KIAA1549: variants seen among roughly 807,000 people sequenced by gnomAD.
KIAA1549 encodes the protein KIAA1549, also known as UPF0606 protein KIAA1549.
KIAA1549 carries 70 observed loss-of-function variants against 156.4 expected under a neutral mutation model. The ratio of observed to expected loss-of-function variants is 0.45; its 90% CI spans 0.37 to 0.55. The LOEUF (loss-of-function observed/expected upper bound fraction) is 0.55, where lower values mean the gene tolerates loss of function less well. KIAA1549 is among the 20% of genes least tolerant of loss of function. The probability of loss-of-function intolerance (pLI) is 0.00; values close to 1 mark genes in which losing one functional copy is unlikely to be tolerated. For missense variants in KIAA1549, 2,428 were observed against 2,540.9 expected (o/e 0.96, Z 0.96); for synonymous variants, 1,103 against 1,066.4 (o/e 1.03, Z -0.67).
At chr7:138,970,206 T>C (rs944910987) in intron 1 of KIAA1549, among the ~76,000 whole-genome samples, 1 of 152,226 alleles carries the variant, frequency 6.6e-6, no homozygotes, top group Non-Finnish European at 1.5e-5. Context: ...TCCACAGACA[T>C]GTGGGTTGCT....
At chr7:138,886,410 G>C (rs1811391972) in intron 10 of KIAA1549, among the ~76,000 whole-genome samples, 1 of 152,022 alleles carries the variant, frequency 6.6e-6, no homozygotes, top group African/African-American at 2.4e-5. Context: ...AAGGAGCTGG[G>C]ACCACAGACA....
At chr7:138,911,088 A>G (rs753169011) in intron 4 of KIAA1549, 58 bp downstream of exon 4, 1 of 1,063,432 alleles carries the variant, frequency 9.4e-7, no homozygotes, top group African/African-American at 2.2e-5. Flanking sequence ...TTTTAGAAAG[A>G]TAAAAAAAAA....
rs763847604 is a variant in KIAA1549 at position 138,867,978 on chromosome 7, G to A, written c.4926C>T (p.Cys1642=). Residue 1642 remains cysteine (C), a synonymous_variant, in exon 15 of 20, where the codon TGC becomes TGT. Transcript: ENST00000422774. ...AACTGGAGTCGGTGGCACGCACTGG[G>A]CATCCGATGTAGGCTGAGTTGTGGA... ...PGVHNSAYIG[C]PSDPDLPADV... 3.1e-6 allele frequency: 5 copies of A among 1,613,318 alleles called. No homozygotes were observed. The highest frequency in any genetic ancestry group is 4.2e-6 in the Non-Finnish European group (5 of 1,179,486).
intron 1 of KIAA1549, among the ~76,000 whole-genome samples, chr7:138,977,612 TA>T (rs765026193): frequency 1.1e-4 from 17 of 151,556 alleles, no homozygotes; most frequent in Non-Finnish European, 2.5e-4. Flanking sequence ...CCTTACATTT[TA>T]ATCACACTCT....
At chr7:138,846,560 C>T (rs1313300309) in intron 17 of KIAA1549, among the ~76,000 whole-genome samples, 1 of 142,986 alleles carries the variant, frequency 7.0e-6, no homozygotes, top group African/African-American at 2.6e-5. Context: ...AAAAAAAAGA[C>T]GACGACTAGC....
At position 138,929,683 on chromosome 7, in the gene KIAA1549, A is replaced by G. The variant is rs190247708; in HGVS notation, c.188-10245T>C. ...TAGCCTTATGAAATATATTTCTTTT[A>G]TCTTTTTGTTTTGTTTTGTTTTTTA... On this transcript the variant is annotated intron_variant, in intron 1 of 19. Coordinates refer to ENST00000422774, the MANE Select transcript of KIAA1549 (RefSeq NM_001164665.2). 2.0e-5 allele frequency among the ~76,000 whole-genome samples: 3 copies of G among 152,028 alleles called. No individual in the cohort carries two copies. In the East Asian group the frequency reaches 5.8e-4, roughly 29 times the overall value.
At chr7:138,954,643 T>C (rs1295786768) in intron 1 of KIAA1549, among the ~76,000 whole-genome samples, 2 of 152,048 alleles carry the variant, frequency 1.3e-5, no homozygotes, top group Non-Finnish European at 2.9e-5. Flanking sequence ...CATAAGCAGT[T>C]TTCCACTTGG....
At chr7:138,923,308 GATAAAC>G (rs1415414060) in intron 1 of KIAA1549, among the ~76,000 whole-genome samples, 1 of 152,178 alleles carries the variant, frequency 6.6e-6, no homozygotes, top group African/African-American at 2.4e-5. Flanking sequence ...GAGAATAAAT[GATAAAC>G]ATAAGGCCAG....
intron 1 of KIAA1549, among the ~76,000 whole-genome samples, chr7:138,926,430 G>A (rs1051368427): frequency 4.6e-5 from 7 of 151,848 alleles, no homozygotes; most frequent in African/African-American, 1.2e-4. Flanking sequence ...GATTCCAGGC[G>A]CCCACCACCA....
chr7:138,965,519 G>A lies in KIAA1549; in HGVS notation c.187+15564C>T, dbSNP rs114179124. ...TTTTCTTATAACATTGAAAGCTGAA[G>A]ACAATACAATTACCCATCAACAGAG... On this transcript the variant is annotated intron_variant, in intron 1 of 19. Transcript: ENST00000422774. Among the ~76,000 whole-genome samples the A allele has an allele frequency of 7.7e-3, 1,175 of 152,230 alleles. 17 individuals carry two copies. The highest frequency in any genetic ancestry group is 0.026 in the African/African-American group (1,100 of 41,524).
At position 138,918,874 on chromosome 7, in the gene KIAA1549, A is replaced by C. The variant is rs1476580368; in HGVS notation, c.752T>G (p.Val251Gly). 1.2e-6 allele frequency: 2 copies of C among 1,614,038 alleles called. No homozygotes were observed. Among genetic ancestry groups the C allele is most frequent in the Admixed American group, 3.3e-5 (2 of 60,030 alleles). Residue 251 changes from valine to glycine, a missense_variant, in exon 2 of 20, where the codon GTG becomes GGG. Around this residue, in one of 5 missense-constraint regions of KIAA1549, gnomAD observed 893 missense variants for 847.9 expected, o/e 1.05. Coordinates refer to ENST00000422774, the MANE Select transcript of KIAA1549 (RefSeq NM_001164665.2). The surrounding 1 kb of genome is among the most constrained non-coding windows in gnomAD (Gnocchi z 4.2). ...GIVPTPGRNL[V>G]LYPTDAYSHL... ...ACTGTAAGCATCAGTAGGATAAAGC[A>C]CCAAATTCCTGCCAGGAGTTGGAAC...
At chr7:138,845,591 A>T (rs1810050991) in intron 17 of KIAA1549, among the ~76,000 whole-genome samples, 1 of 152,208 alleles carries the variant, frequency 6.6e-6, no homozygotes, top group African/African-American at 2.4e-5. Flanking sequence ...TCTCTAACTC[A>T]TGCCTGATTT....
chr7:138,980,820 C>A (rs1814522826), intron 1 of KIAA1549, among the ~76,000 whole-genome samples: 1 of 152,256 alleles, frequency 6.6e-6, no homozygotes, highest in South Asian at 2.1e-4. Flanking sequence ...AGACCCGCTT[C>A]GGGTTCCATG....
intron 1 of KIAA1549, among the ~76,000 whole-genome samples, chr7:138,943,917 A>C (rs978426015): frequency 6.6e-5 from 10 of 151,912 alleles, no homozygotes; most frequent in African/African-American, 2.4e-4. Context: ...AGCACACTTA[A>C]ATCTACTCTC....
chr7:138,884,994 G>C (rs558336470), intron 10 of KIAA1549, among the ~76,000 whole-genome samples: 1 of 152,360 alleles, frequency 6.6e-6, no homozygotes, highest in East Asian at 1.9e-4. Context: ...TCGGAAGTTT[G>C]AGACCAGCCT....
In KIAA1549 at chr7:138,844,373, A is replaced by G; in HGVS notation, c.5396T>C (p.Ile1799Thr). The G allele has an allele frequency of 6.2e-7, 1 of 1,612,970 alleles. No individual in the cohort carries two copies. The highest frequency in any genetic ancestry group is 8.5e-7 in the Non-Finnish European group (1 of 1,179,394). Residue 1799 changes from isoleucine to threonine, a missense_variant, in exon 18 of 20, where the codon ATC becomes ACC. Transcript: ENST00000422774. ...CACCGACGGCATCTCCTCCGAGTAG[A>G]TCCCTCTGGCAGCAAATGGGGCTTC... ...SAEAPFAARG[I>T]YSEEMPSVAR... is the part of the protein sequence containing the mutation.
rs1259113514 is a variant in KIAA1549 at position 138,861,294 on chromosome 7, C to T, written c.5092G>A (p.Val1698Met). 2 of 1,608,022 alleles carry T rather than the reference C, an allele frequency of 1.2e-6. No individual in the cohort carries two copies. The highest frequency in any genetic ancestry group is 1.3e-5 in the African/African-American group (1 of 74,632). Residue 1698 changes from valine (V) to methionine (M), a missense_variant, in exon 16 of 20, where the codon GTG (valine) becomes ATG (methionine). Physicochemically the swap from Val to Met is conservative, Grantham distance 21. Transcript: ENST00000422774. Reference protein sequence around the residue: ...HSLLDDAFALVAPSSQPASTA... With the variant: ...HSLLDDAFALMAPSSQPASTA... The stretch of plus-strand genomic sequence containing the variant: ...CTGGCAGGCTGGCTGCTGGGGGCCA[C>T]GAGGGCAAAGGCGTCGTCCAGGAGG...
chr7:138,951,378 A>C (rs1813495125), intron 1 of KIAA1549, among the ~76,000 whole-genome samples: 1 of 152,054 alleles, frequency 6.6e-6, no homozygotes, highest in African/African-American at 2.4e-5. Flanking sequence ...TCTCCCTAGC[A>C]CAGTTTCTCC....
At chr7:138,960,728 G>A (rs906794465) in intron 1 of KIAA1549, among the ~76,000 whole-genome samples, 2 of 112,328 alleles carry the variant, frequency 1.8e-5, no homozygotes, top group Non-Finnish European at 1.7e-5. Context: ...TCACAGAAGC[G>A]TATCTGCGGC....
Sources: gnomAD v4.1 joint callset for allele counts (sites outside exome capture counted in the v4.1 genomes callset) on GRCh38, gnomAD v4.1.1 for gene constraint, gnomAD v4.1.1 regional missense constraint, Gnocchi (gnomAD v3.1) non-coding constraint, MANE v1.5 for transcripts, NCBI Gene and HGNC (gene_info 2026-07-23, HGNC 2026-07-21) for gene names.